Variants in DCC observed in about 807,000 individuals in gnomAD.
DCC encodes the protein DCC netrin 1 receptor, also known as netrin receptor DCC.
In DCC, 58 loss-of-function variants were observed where a neutral mutation model predicts 172.5. That is an observed-to-expected ratio of 0.34 (90% CI 0.27 to 0.42). DCC has a LOEUF of 0.42. Ranked by LOEUF, DCC falls within the 10% of genes least tolerant of loss-of-function variation. The probability of loss-of-function intolerance (pLI) is 1.00; values close to 1 mark genes in which losing one functional copy is unlikely to be tolerated. For missense variants in DCC, 1,740 were observed against 1,791.0 expected (o/e 0.97, Z 0.51); for synonymous variants, 709 against 644.5 (o/e 1.10, Z -1.52).
intron 1 of DCC, among the ~76,000 whole-genome samples, chr18:52,535,398 T>C (rs971971026): frequency 6.6e-6 from 1 of 152,204 alleles, no homozygotes; most frequent in African/African-American, 2.4e-5. Flanking sequence ...GAACAATTGT[T>C]GTAATCCTTG....
intron 12 of DCC, among the ~76,000 whole-genome samples, chr18:53,250,673 C>T (rs940423225): frequency 6.6e-6 from 1 of 151,816 alleles, no homozygotes; most frequent in Admixed American, 6.6e-5. Context: ...TCTTTCCTCT[C>T]TTATATCTTT....
intron 21 of DCC, among the ~76,000 whole-genome samples, chr18:53,433,987 A>C (rs1911790861): frequency 6.6e-6 from 1 of 152,198 alleles, no homozygotes. Flanking sequence ...GTGAATATAG[A>C]GTCAGTTAAC....
At chr18:52,835,374 T>G (rs2038686715) in intron 2 of DCC, among the ~76,000 whole-genome samples, 1 of 152,250 alleles carries the variant, frequency 6.6e-6, no homozygotes, top group Non-Finnish European at 1.5e-5. Flanking sequence ...TTCAAACTCA[T>G]TTTTTATACA....
At chr18:53,231,159 A>G (rs1040305756) in intron 12 of DCC, among the ~76,000 whole-genome samples, 2 of 152,050 alleles carry the variant, frequency 1.3e-5, no homozygotes, top group Admixed American at 1.3e-4. Context: ...TACTTACTCT[A>G]TGACATGTGG....
chr18:52,890,487 G>GT (rs1453502512), intron 2 of DCC, among the ~76,000 whole-genome samples: 1 of 152,092 alleles, frequency 6.6e-6, no homozygotes, highest in African/African-American at 2.4e-5. Context: ...TACATATCAG[G>GT]TAAGAAATTT....
At chr18:52,851,475 T>A (rs2038974512) in intron 2 of DCC, among the ~76,000 whole-genome samples, 1 of 152,106 alleles carries the variant, frequency 6.6e-6, no homozygotes, top group South Asian at 2.1e-4. Context: ...CCCTTTTCTT[T>A]CATACTGAGT....
intron 5 of DCC, among the ~76,000 whole-genome samples, chr18:52,948,495 T>C (rs11873939): frequency 0.021 from 3,254 of 152,322 alleles, 61 homozygotes; most frequent in Admixed American, 0.039. Context: ...CATGTGAATT[T>C]ATGCTTCTCT....
rs144792181 is a variant in DCC at position 53,207,816 on chromosome 18, C to A, written c.1860C>A (p.Asp620Glu). 2.5e-6 allele frequency: 4 copies of A among 1,610,432 alleles called. No homozygotes were observed. Among genetic ancestry groups the A allele is most frequent in the East Asian group, 2.2e-5 (1 of 44,856 alleles). Reference protein sequence around the residue: ...TDDITVVTLSDVPSAPPQNVS... With the variant: ...TDDITVVTLSEVPSAPPQNVS... ...ATATAACAGTGGTTACACTTTCTGA[C>A]GGTAAGTTAAAAACAGTGAAACTCC... The change falls in exon 11 of 29, where the codon GAC becomes GAA. Residue 620 changes from aspartate to glutamate, a missense_variant and splice_region_variant. Asp to Glu is a conservative substitution (Grantham distance 45). Transcript: ENST00000442544.
At chr18:53,173,353 G>T (rs2055041995) in intron 8 of DCC, among the ~76,000 whole-genome samples, 1 of 151,850 alleles carries the variant, frequency 6.6e-6, no homozygotes, top group African/African-American at 2.4e-5. Context: ...ATTCATACAG[G>T]GTGCTTTTTC....
chr18:52,844,039 G>C (rs1309778060), intron 2 of DCC, among the ~76,000 whole-genome samples: 4 of 152,084 alleles, frequency 2.6e-5, no homozygotes, highest in Non-Finnish European at 5.9e-5. Flanking sequence ...CCAATTTTAT[G>C]ACCCTAGGCA....
Position 52,935,531 on chromosome 18 carries a change from C to G in DCC, c.985+10161C>G, listed in dbSNP as rs557665272. Reference sequence around the variant, plus strand: ...TGGAAATGGAAGAAAACATATACTTCAAAATTGATATGGCTTTTTTCCTTT... The same window carrying G: ...TGGAAATGGAAGAAAACATATACTTGAAAATTGATATGGCTTTTTTCCTTT... On this transcript the variant is annotated intron_variant, in intron 5 of 28. Coordinates refer to ENST00000442544, the MANE Select transcript of DCC (RefSeq NM_005215.4). Among the ~76,000 whole-genome samples, 11 of 152,180 alleles carry G rather than the reference C, an allele frequency of 7.2e-5. No homozygotes were observed. The East Asian group carries it at 2.1e-3, about 29-fold the overall frequency.
intron 8 of DCC, among the ~76,000 whole-genome samples, chr18:53,171,597 A>T (rs2055014533): frequency 6.6e-6 from 1 of 152,182 alleles, no homozygotes; most frequent in African/African-American, 2.4e-5. Context: ...CCCATTATGA[A>T]ATCCAACATC....
At chr18:53,318,754 T>G (rs1445555643) in intron 13 of DCC, among the ~76,000 whole-genome samples, 562 of 27,476 alleles carry the variant, frequency 0.02, 4 homozygotes, top group African/African-American at 0.066. Flanking sequence ...TTCGTTGGGT[T>G]TTTTTTTTTT....
intron 1 of DCC, among the ~76,000 whole-genome samples, chr18:52,728,164 G>A (rs2036581270): frequency 6.8e-6 from 1 of 147,878 alleles, no homozygotes; most frequent in Admixed American, 6.7e-5. Flanking sequence ...AATTATGATT[G>A]TGGGCCCCGT....
At chr18:53,177,513 T>A (rs1318806869) in intron 8 of DCC, among the ~76,000 whole-genome samples, 1 of 152,128 alleles carries the variant, frequency 6.6e-6, no homozygotes, top group African/African-American at 2.4e-5. Flanking sequence ...TCTGACTCTA[T>A]AAGGTATGGA....
At chr18:53,289,876 C>T (rs1410033630) in intron 12 of DCC, among the ~76,000 whole-genome samples, 2 of 152,028 alleles carry the variant, frequency 1.3e-5, no homozygotes, top group Non-Finnish European at 2.9e-5. Context: ...GAGAAAACTA[C>T]TTCAAAAATT....
At chr18:53,434,166 T>C (rs975619575) in intron 21 of DCC, among the ~76,000 whole-genome samples, 3 of 152,180 alleles carry the variant, frequency 2.0e-5, no homozygotes, top group Non-Finnish European at 2.9e-5. Flanking sequence ...AAACAACCTA[T>C]GTTACTGTAT....
chr18:53,369,719 A>G (rs1000139943), intron 15 of DCC, among the ~76,000 whole-genome samples: 3 of 151,878 alleles, frequency 2.0e-5, no homozygotes, highest in Non-Finnish European at 2.9e-5. Context: ...TTCTGCATCA[A>G]TTGATGACGT....
chr18:52,963,276 C>T (rs984844529), intron 5 of DCC, among the ~76,000 whole-genome samples: 54 of 150,322 alleles, frequency 3.6e-4, no homozygotes, highest in African/African-American at 1.3e-3. Flanking sequence ...TCTTATTTTC[C>T]ATAATAAGCA....
Sources: gnomAD v4.1 joint callset for allele counts (sites outside exome capture counted in the v4.1 genomes callset) on GRCh38, gnomAD v4.1.1 for gene constraint, MANE v1.5 for transcripts, NCBI Gene and HGNC (gene_info 2026-07-23, HGNC 2026-07-21) for gene names.